The following INPP4B variants were observed in gnomAD, a reference collection of about 807,000 sequenced individuals.
INPP4B encodes inositol polyphosphate-4-phosphatase type II B, also known as inositol polyphosphate 4-phosphatase type II.
A neutral mutation model predicts 122.5 loss-of-function variants in INPP4B; 55 were observed. The observed-to-expected ratio is 0.45, with a 90% CI of 0.36 to 0.56. The LOEUF is 0.56. INPP4B is among the 20% of genes least tolerant of loss of function. The probability of loss-of-function intolerance (pLI) is 0.00; values close to 1 mark genes in which losing one functional copy is unlikely to be tolerated. For synonymous variants in INPP4B, 403 were observed against 388.7 expected (o/e 1.04, Z -0.43); for missense variants, 1,000 against 1,097.7 (o/e 0.91, Z 1.26).
chr4:142,563,065 G>C (rs1462471617), intron 2 of INPP4B, among the ~76,000 whole-genome samples: 2 of 152,200 alleles, frequency 1.3e-5, no homozygotes, highest in Non-Finnish European at 2.9e-5. Flanking sequence ...GCTGTGTTTA[G>C]CAGTGAAGAG....
chr4:142,151,446 C>T (rs1030120441), intron 17 of INPP4B, among the ~76,000 whole-genome samples: 2 of 152,166 alleles, frequency 1.3e-5, no homozygotes, highest in African/African-American at 4.8e-5. Context: ...ACCTGACCTT[C>T]ATCTCCCAAT....
intron 2 of INPP4B, among the ~76,000 whole-genome samples, chr4:142,633,329 A>C (rs1017867759): frequency 6.6e-6 from 1 of 152,160 alleles, no homozygotes; most frequent in African/African-American, 2.4e-5. Context: ...TATAAAAAAC[A>C]AATAGACCAA....
At chr4:142,145,389 T>G (rs1046583452) in intron 18 of INPP4B, among the ~76,000 whole-genome samples, 5 of 152,128 alleles carry the variant, frequency 3.3e-5, no homozygotes, top group Non-Finnish European at 5.9e-5. Flanking sequence ...TGGAGATAAT[T>G]TACACAAATA....
At chr4:142,772,798 A>G (rs1773284874) in intron 1 of INPP4B, among the ~76,000 whole-genome samples, 1 of 152,060 alleles carries the variant, frequency 6.6e-6, no homozygotes, top group African/African-American at 2.4e-5. Flanking sequence ...TAATCCTAGC[A>G]CTTTGGGAGG....
intron 24 of INPP4B, among the ~76,000 whole-genome samples, chr4:142,085,343 C>T (rs149759900): frequency 6.6e-6 from 1 of 152,184 alleles, no homozygotes; most frequent in Non-Finnish European, 1.5e-5. Flanking sequence ...TTAACCTGAG[C>T]TCCAAATTAT....
At chr4:142,819,732 A>G (rs975779400) in intron 1 of INPP4B, among the ~76,000 whole-genome samples, 2 of 152,096 alleles carry the variant, frequency 1.3e-5, no homozygotes, top group Non-Finnish European at 2.9e-5. Flanking sequence ...ATCTTTCTTT[A>G]TGAGGCCAGT....
intron 14 of INPP4B, among the ~76,000 whole-genome samples, chr4:142,206,043 AGGCGCTGGTATCTGATAAC>A (rs1289783885): frequency 6.6e-6 from 1 of 152,156 alleles, no homozygotes; most frequent in Non-Finnish European, 1.5e-5. Context: ...TCTAAGATCA[AGGCGCTGGTATCTGATAAC>A]AGCCTTCTGC....
chr4:142,759,788 A>C (rs1771029706), intron 1 of INPP4B, among the ~76,000 whole-genome samples: 1 of 145,404 alleles, frequency 6.9e-6, no homozygotes. Context: ...TTGCCTCTCA[A>C]CCAGAACTTA....
chr4:142,474,869 T>C (rs1448941567), intron 2 of INPP4B, among the ~76,000 whole-genome samples: 1 of 152,156 alleles, frequency 6.6e-6, no homozygotes, highest in Non-Finnish European at 1.5e-5. Context: ...TTACTTAAAT[T>C]TGCCAAAGAC....
chr4:142,833,439 A>T (rs1054661515), intron 1 of INPP4B, among the ~76,000 whole-genome samples: 1 of 152,144 alleles, frequency 6.6e-6, no homozygotes, highest in Non-Finnish European at 1.5e-5. Flanking sequence ...CTGTAATTGC[A>T]TCCTAAATGA....
chr4:142,104,098 T>C (rs1448926669), intron 23 of INPP4B, among the ~76,000 whole-genome samples: 1 of 152,080 alleles, frequency 6.6e-6, no homozygotes, highest in South Asian at 2.1e-4. Context: ...ACAATATCCT[T>C]CTTCTTTGTT....
At chr4:142,118,842 T>C (rs1252664325) in intron 21 of INPP4B, among the ~76,000 whole-genome samples, 1 of 152,032 alleles carries the variant, frequency 6.6e-6, no homozygotes, top group East Asian at 1.9e-4. Context: ...GAAACCACCA[T>C]CAGAGTGAAC....
At chr4:142,527,968 C>A (rs962588424) in intron 2 of INPP4B, among the ~76,000 whole-genome samples, 2 of 151,848 alleles carry the variant, frequency 1.3e-5, no homozygotes, top group African/African-American at 4.8e-5. Context: ...GGCAATAGAA[C>A]CAAGATGTAC....
chr4:142,629,638 A>G lies in INPP4B; in HGVS notation c.-191+96201T>C, dbSNP rs368485778. 2.4e-4 allele frequency among the ~76,000 whole-genome samples: 37 copies of G among 152,206 alleles called. 1 individual carries two copies. The highest frequency in any genetic ancestry group is 8.7e-4 in the African/African-American group (36 of 41,564). On this transcript the variant is annotated intron_variant, in intron 2 of 25. Transcript: ENST00000262992. Reference sequence around the variant, plus strand: ...ATATTTCTAGTCAATAAAACAATATAGAGCCATGAAAAAACATGACACACT... The same window carrying G: ...ATATTTCTAGTCAATAAAACAATATGGAGCCATGAAAAAACATGACACACT...
chr4:142,118,457 T>C (rs1194912437), intron 21 of INPP4B, among the ~76,000 whole-genome samples: 1 of 152,004 alleles, frequency 6.6e-6, no homozygotes, highest in East Asian at 1.9e-4. Context: ...CATAGACCAA[T>C]GGAACAGAAC....
chr4:142,674,473 A>T (rs1372876734), intron 2 of INPP4B, among the ~76,000 whole-genome samples: 1 of 151,942 alleles, frequency 6.6e-6, no homozygotes, highest in Admixed American at 6.6e-5. Flanking sequence ...AATATATGCC[A>T]TTTATTAGCA....
At chr4:142,108,023 T>C in intron 23 of INPP4B, 70 bp downstream of exon 23, 2 of 807,416 alleles carry the variant, frequency 2.5e-6, no homozygotes, top group South Asian at 1.5e-5. Flanking sequence ...CTGACCTCTA[T>C]GTCTGACCTC....
At chr4:142,518,605 C>T (rs1198302949) in intron 2 of INPP4B, 2 of 152,050 alleles carry the variant, frequency 1.3e-5, no homozygotes, top group African/African-American at 4.8e-5. Flanking sequence ...ACCTGCATAC[C>T]CAATATGATA....
chr4:142,666,077 G>T (rs1407102276), intron 2 of INPP4B, among the ~76,000 whole-genome samples: 1 of 152,106 alleles, frequency 6.6e-6, no homozygotes, highest in Non-Finnish European at 1.5e-5. Flanking sequence ...ACAGTTAACT[G>T]AAACTGCAAA....
Sources: gnomAD v4.1 joint callset for allele counts (sites outside exome capture counted in the v4.1 genomes callset) on GRCh38, gnomAD v4.1.1 for gene constraint, MANE v1.5 for transcripts, NCBI Gene and HGNC (gene_info 2026-07-23, HGNC 2026-07-21) for gene names.